The following GSAP variants were observed in gnomAD, a reference collection of about 807,000 sequenced individuals.
The protein encoded by GSAP is gamma-secretase-activating protein.
GSAP carries 118 observed loss-of-function variants against 131.7 expected under a neutral mutation model. The observed-to-expected ratio is 0.90, with a 90% CI of 0.77 to 1.04. GSAP has a LOEUF of 1.04. GSAP is among the 50% of genes least tolerant of loss of function. The probability of loss-of-function intolerance (pLI) is 0.00; values close to 1 mark genes in which losing one functional copy is unlikely to be tolerated. For synonymous variants in GSAP, 381 were observed against 363.4 expected (o/e 1.05, Z -0.55); for missense variants, 1,019 against 1,013.2 (o/e 1.01, Z -0.08).
intron 27 of GSAP, among the ~76,000 whole-genome samples, chr7:77,313,978 T>C (rs567451676): frequency 1.3e-5 from 2 of 152,328 alleles, no homozygotes; most frequent in South Asian, 4.1e-4. Context: ...TTCGTGACAT[T>C]TTCTTGAGAA....
intron 3 of GSAP, among the ~76,000 whole-genome samples, chr7:77,402,254 G>C (rs1160319789): frequency 1.3e-5 from 2 of 150,586 alleles, no homozygotes; most frequent in African/African-American, 4.9e-5. Context: ...TACAGTACTT[G>C]AAAAGAATCT....
chr7:77,313,576 T>C, intron 27 of GSAP, 27 bp from the exon 28 acceptor site: 1 of 1,097,036 alleles, frequency 9.1e-7, no homozygotes, highest in Non-Finnish European at 1.4e-6. Context: ...GATTAGCAAA[T>C]GAAACAAATA....
In GSAP at chr7:77,329,316, C is replaced by A; in HGVS notation, c.1733+17G>T. The A allele has an allele frequency of 7.0e-7, 1 of 1,420,472 alleles. No homozygotes were observed. The highest frequency in any genetic ancestry group is 9.7e-7 in the Non-Finnish European group (1 of 1,031,388). The allele number at this position is 1,420,472 out of a possible 1,614,324, so 88.0% of individuals were successfully genotyped here. On this transcript the variant is annotated intron_variant, in intron 21 of 30. Transcript: ENST00000257626. ...GTCAACCATCTTACAGATATGATAA[C>A]CTCTGCTTTCACTTACTTTACTGCA...
chr7:77,365,834 C>T (rs367554245), intron 12 of GSAP, among the ~76,000 whole-genome samples: 49 of 149,572 alleles, frequency 3.3e-4, no homozygotes, highest in African/African-American at 1.1e-3. Flanking sequence ...GTAGAACTAA[C>T]TTACACTCTC....
At chr7:77,313,222 T>C in intron 28 of GSAP, among the ~76,000 whole-genome samples, 1 of 152,192 alleles carries the variant, frequency 6.6e-6, no homozygotes. Context: ...TAAATATTAG[T>C]GTGGTTTCCT....
At chr7:77,314,684 A>T (rs1345133089) in intron 26 of GSAP, 195 bp from the exon 27 acceptor site, 1 of 528,350 alleles carries the variant, frequency 1.9e-6, no homozygotes, top group African/African-American at 1.9e-5. Flanking sequence ...GTCTATAGTA[A>T]GTTTCCGGTA....
At chr7:77,384,435 C>G (rs1413537728) in intron 6 of GSAP, among the ~76,000 whole-genome samples, 1 of 152,254 alleles carries the variant, frequency 6.6e-6, no homozygotes, top group Non-Finnish European at 1.5e-5. Context: ...GATTCAGACA[C>G]AGCTCTGCAA....
At chr7:77,332,536 G>A (rs1789317318) in intron 19 of GSAP, among the ~76,000 whole-genome samples, 1 of 152,170 alleles carries the variant, frequency 6.6e-6, no homozygotes, top group African/African-American at 2.4e-5. Context: ...CTGCCTGAAT[G>A]TAAAATAGAG....
At chr7:77,358,159 G>A (rs1794029706) in intron 14 of GSAP, among the ~76,000 whole-genome samples, 1 of 152,152 alleles carries the variant, frequency 6.6e-6, no homozygotes, top group South Asian at 2.1e-4. Context: ...TGGGCAGCAT[G>A]ACAAAACCCC....
At chr7:77,317,087 T>TGC (rs1253910249) in intron 26 of GSAP, among the ~76,000 whole-genome samples, 1 of 151,986 alleles carries the variant, frequency 6.6e-6, no homozygotes, top group African/African-American at 2.4e-5. Flanking sequence ...AGCATGCACA[T>TGC]GCACACACAC....
intron 5 of GSAP, among the ~76,000 whole-genome samples, chr7:77,396,423 T>C (rs529931589): frequency 3.7e-4 from 56 of 152,260 alleles, no homozygotes; most frequent in African/African-American, 1.2e-3. Context: ...CACACCATTG[T>C]ATCCCCAGTA....
At chr7:77,373,959 T>C (rs1367595832) in intron 12 of GSAP, 111 bp downstream of exon 12, 2 of 695,976 alleles carry the variant, frequency 2.9e-6, no homozygotes, top group South Asian at 1.6e-5. Context: ...ATCACCGACA[T>C]AAAAATGTAG....
At chr7:77,362,775 A>C in intron 12 of GSAP, 115 bp from the exon 13 acceptor site, 1 of 648,162 alleles carries the variant, frequency 1.5e-6, no homozygotes, top group Non-Finnish European at 2.8e-6. Flanking sequence ...ATCTTACCTC[A>C]TAGATTATTC....
chr7:77,373,507 A>G (rs1322813873), intron 12 of GSAP, among the ~76,000 whole-genome samples: 1 of 152,240 alleles, frequency 6.6e-6, no homozygotes, highest in Non-Finnish European at 1.5e-5. Flanking sequence ...GTTAATGAGC[A>G]GTTTTTCACC....
intron 30 of GSAP, 80 bp from the exon 31 acceptor site, chr7:77,311,529 C>T: frequency 5.7e-6 from 4 of 698,318 alleles, no homozygotes; most frequent in African/African-American, 5.4e-5. Context: ...GCTCACAGCT[C>T]ATTAAAATCA....
chr7:77,391,355 C>G (rs1799506306), intron 5 of GSAP, among the ~76,000 whole-genome samples: 2 of 152,042 alleles, frequency 1.3e-5, no homozygotes, highest in Non-Finnish European at 2.9e-5. Context: ...AAGAGCCAAC[C>G]TTTGCAAATA....
chr7:77,382,029 G>A (rs1797883947), intron 7 of GSAP, among the ~76,000 whole-genome samples: 1 of 148,736 alleles, frequency 6.7e-6, no homozygotes. Flanking sequence ...CAGCTTACTA[G>A]ATAAGCTCCA....
intron 8 of GSAP, among the ~76,000 whole-genome samples, chr7:77,377,905 A>G (rs1400411535): frequency 1.3e-5 from 2 of 152,200 alleles, no homozygotes; most frequent in African/African-American, 4.8e-5. Flanking sequence ...TTCCATGATG[A>G]GTATGATGAT....
At chr7:77,383,777 A>G (rs1480192244) in intron 6 of GSAP, among the ~76,000 whole-genome samples, 1 of 152,198 alleles carries the variant, frequency 6.6e-6, no homozygotes, top group East Asian at 1.9e-4. Context: ...TCTTTTCCTC[A>G]CCCAAAACTT....
Sources: gnomAD v4.1 joint callset for allele counts (sites outside exome capture counted in the v4.1 genomes callset) on GRCh38, gnomAD v4.1.1 for gene constraint, MANE v1.5 for transcripts, NCBI Gene and HGNC (gene_info 2026-07-23, HGNC 2026-07-21) for gene names.